TSPAN14: variants seen among roughly 807,000 people sequenced by gnomAD.
The protein encoded by TSPAN14 is tetraspanin 14, also known as tetraspanin-14.
TSPAN14 carries 16 observed loss-of-function variants against 36.6 expected under a neutral mutation model. That is an observed-to-expected ratio of 0.44 (90% CI 0.30 to 0.66). The LOEUF (loss-of-function observed/expected upper bound fraction) is 0.66, where lower values mean the gene tolerates loss of function less well. Among genes scored for constraint, TSPAN14 ranks in the 30% least tolerant of loss-of-function variants. The probability of loss-of-function intolerance (pLI) is 0.12; values close to 1 mark genes in which losing one functional copy is unlikely to be tolerated. For synonymous variants in TSPAN14, 139 were observed against 143.8 expected (o/e 0.97, Z 0.24); for missense variants, 231 against 355.1 (o/e 0.65, Z 2.81).
In TSPAN14 at chr10:80,476,000, G is replaced by A. The variant is rs574612304; in HGVS notation, c.-17-13217G>A. 1.8e-4 allele frequency among the ~76,000 whole-genome samples: 27 copies of A among 152,288 alleles called. No homozygotes were observed. In the South Asian group the frequency reaches 2.9e-3, roughly 16 times the overall value. ...GCTCAAGTCCCTAATATAAAATGGT[G>A]TAGTATTTGCATATAACCTTCACAC... On this transcript the variant is annotated intron_variant, in intron 1 of 8. Transcript: ENST00000429989.
chr10:80,481,341 T>G (rs1022801490), intron 1 of TSPAN14, among the ~76,000 whole-genome samples: 6 of 152,150 alleles, frequency 3.9e-5, no homozygotes, highest in Non-Finnish European at 7.3e-5. Flanking sequence ...GTGAAAAAAC[T>G]CAGGGTAGAT....
At chr10:80,481,116 G>A (rs1847248462) in intron 1 of TSPAN14, among the ~76,000 whole-genome samples, 2 of 151,818 alleles carry the variant, frequency 1.3e-5, no homozygotes, top group South Asian at 2.1e-4. Context: ...AAAAAAAAGA[G>A]TGAAGGTAGA....
chr10:80,506,741 G>A (rs1283092188), intron 3 of TSPAN14, among the ~76,000 whole-genome samples: 1 of 152,254 alleles, frequency 6.6e-6, no homozygotes, highest in Non-Finnish European at 1.5e-5. Context: ...CTCCATTGGT[G>A]TAGAAACTTC....
At chr10:80,481,867 C>T (rs1847296425) in intron 1 of TSPAN14, among the ~76,000 whole-genome samples, 1 of 152,120 alleles carries the variant, frequency 6.6e-6, no homozygotes, top group Non-Finnish European at 1.5e-5. Context: ...CATTCTCCTG[C>T]CTCAGCCTCC....
intron 1 of TSPAN14, among the ~76,000 whole-genome samples, chr10:80,461,183 T>A (rs1162567961): frequency 1.3e-5 from 2 of 152,224 alleles, no homozygotes; most frequent in Non-Finnish European, 2.9e-5. Flanking sequence ...GCCGGCTCCC[T>A]CCAGCCTACC....
chr10:80,503,806 G>A (rs866212829), intron 2 of TSPAN14, among the ~76,000 whole-genome samples: 1 of 152,276 alleles, frequency 6.6e-6, no homozygotes, highest in Middle Eastern at 3.4e-3. Context: ...TCATAGAGAA[G>A]CGTGGTCCTG....
chr10:80,520,023 C>G (rs1190033946), exon 9 of TSPAN14: 1 of 154,882 alleles, frequency 6.5e-6, no homozygotes. Flanking sequence ...GACACTGAGT[C>G]GAAGTGGGGA....
intron 1 of TSPAN14, among the ~76,000 whole-genome samples, chr10:80,481,597 A>G (rs1847278238): frequency 6.6e-6 from 1 of 152,242 alleles, no homozygotes; most frequent in African/African-American, 2.4e-5. Flanking sequence ...ATTTATGGGG[A>G]GTAAAGGGTT....
In TSPAN14 at chr10:80,489,203, A is replaced by T. The variant is rs1847790499; in HGVS notation, c.-17-14A>T. ...CTGAGCCTGCCATCTCACTAGTCACACATCTCTCCGCAGATTCTGCTTCTC... is the reference window on the plus strand; with the variant it reads ...CTGAGCCTGCCATCTCACTAGTCACTCATCTCTCCGCAGATTCTGCTTCTC... On this transcript the variant is annotated splice_polypyrimidine_tract_variant and intron_variant, in intron 1 of 8. Coordinates refer to ENST00000429989, the Ensembl canonical transcript of TSPAN14. The T allele has an allele frequency of 1.3e-6, 2 of 1,540,710 alleles. No individual in the cohort carries two copies. Among genetic ancestry groups the T allele is most frequent in the Non-Finnish European group, 1.8e-6 (2 of 1,133,424 alleles).
intron 1 of TSPAN14, among the ~76,000 whole-genome samples, chr10:80,470,952 C>G (rs1271817252): frequency 6.6e-6 from 1 of 152,208 alleles, no homozygotes; most frequent in South Asian, 2.1e-4. Flanking sequence ...TGTGTCCCTC[C>G]CTATCTTTAG....
At chr10:80,516,139 C>T (rs1840925691) in intron 7 of TSPAN14, 65 bp from the exon 8 acceptor site, 5 of 1,610,402 alleles carry the variant, frequency 3.1e-6, no homozygotes, top group Non-Finnish European at 4.2e-6. Context: ...CCAGAGCTCA[C>T]TAGGGGATCA....
In TSPAN14 at chr10:80,514,635, G is replaced by A. The variant is rs149211100; in HGVS notation, c.621+572G>A. Among the ~76,000 whole-genome samples the A allele has an allele frequency of 2.7e-3, 409 of 152,264 alleles. 5 individuals are homozygous for A. The highest frequency in any genetic ancestry group is 9.0e-3 in the African/African-American group (373 of 41,552). ...TGCTGTTCTAAAAGGGAGGAGTCTC[G>A]AGGAATCTTCAGAGACCCCACCTGT... On this transcript the variant is annotated intron_variant, in intron 7 of 8. Coordinates refer to ENST00000429989, the Ensembl canonical transcript of TSPAN14.
At chr10:80,522,513 ATAAAAT>A (rs1208783865) in exon 9 of TSPAN14, 5 of 152,222 alleles carry the variant, frequency 3.3e-5, no homozygotes, top group African/African-American at 4.8e-5. Context: ...ATCTCAAAAA[ATAAAAT>A]TAAAAAAAAA....
At chr10:80,498,519 T>TAC (rs1848320462) in intron 2 of TSPAN14, among the ~76,000 whole-genome samples, 1 of 152,198 alleles carries the variant, frequency 6.6e-6, no homozygotes, top group Non-Finnish European at 1.5e-5. Flanking sequence ...TGCTTCACTG[T>TAC]TGTCTCCAGA....
intron 1 of TSPAN14, among the ~76,000 whole-genome samples, chr10:80,454,822 C>T (rs1009326650): frequency 5.3e-5 from 8 of 152,136 alleles, no homozygotes; most frequent in East Asian, 1.9e-4. Context: ...CACCCACCCT[C>T]GGCTCCCAGG....
chr10:80,505,717 A>G (rs1648228987), intron 3 of TSPAN14, among the ~76,000 whole-genome samples: 1 of 152,196 alleles, frequency 6.6e-6, no homozygotes, highest in Non-Finnish European at 1.5e-5. Flanking sequence ...GTGACCCAGA[A>G]GCAGGTTCAA....
chr10:80,461,188 C>G (rs1845948205), intron 1 of TSPAN14, among the ~76,000 whole-genome samples: 1 of 152,176 alleles, frequency 6.6e-6, no homozygotes, highest in Non-Finnish European at 1.5e-5. Context: ...CTCCCTCCAG[C>G]CTACCCTGCA....
At chr10:80,488,214 C>A (rs543795602) in intron 1 of TSPAN14, among the ~76,000 whole-genome samples, 3 of 152,188 alleles carry the variant, frequency 2.0e-5, no homozygotes, top group African/African-American at 7.2e-5. Context: ...TGAGGCACTC[C>A]CTCCTTCCCC....
chr10:80,515,160 A>T (rs550245980), intron 7 of TSPAN14, among the ~76,000 whole-genome samples: 1 of 152,328 alleles, frequency 6.6e-6, no homozygotes, highest in African/African-American at 2.4e-5. Context: ...CACTTATATT[A>T]ATTTGCTAAG....
Sources: allele counts gnomAD v4.1 joint callset (sites outside exome capture counted in the v4.1 genomes callset), GRCh38; gene constraint gnomAD v4.1.1; transcripts MANE v1.5; gene names NCBI Gene and HGNC (gene_info 2026-07-23, HGNC 2026-07-21).